The following EGF variants were observed in gnomAD, a reference collection of about 807,000 sequenced individuals.
EGF encodes epidermal growth factor.
In EGF, 95 loss-of-function variants were observed where a neutral mutation model predicts 143.8. The observed-to-expected ratio is 0.66, with a 90% CI of 0.56 to 0.78. EGF has a LOEUF of 0.78. Ranked by LOEUF, EGF falls within the 30% of genes least tolerant of loss-of-function variation. The pLI is 0.00. For missense variants in EGF, 1,320 were observed against 1,470.9 expected (o/e 0.90, Z 1.68); for synonymous variants, 510 against 510.5 (o/e 1.00, Z 0.01).
intron 2 of EGF, among the ~76,000 whole-genome samples, chr4:109,942,214 A>T (rs992783339): frequency 1.3e-5 from 2 of 152,340 alleles, no homozygotes; most frequent in Admixed American, 6.5e-5. Context: ...GTGAATTTAT[A>T]TCAAGCCATT....
chr4:109,970,705 G>A (rs541723535), intron 11 of EGF, among the ~76,000 whole-genome samples: 2 of 151,698 alleles, frequency 1.3e-5, no homozygotes, highest in South Asian at 2.1e-4. Context: ...GGCGCCTGTA[G>A]TCCCAGCTAC....
At chr4:110,002,112 A>G in intron 21 of EGF, 3 of 898,562 alleles carry the variant, frequency 3.3e-6, no homozygotes, top group Non-Finnish European at 4.0e-6. Flanking sequence ...AAAGGGTTAA[A>G]ATCAGTTATT....
At chr4:109,966,243 C>T (rs935668985) in intron 10 of EGF, among the ~76,000 whole-genome samples, 4 of 152,012 alleles carry the variant, frequency 2.6e-5, no homozygotes, top group Non-Finnish European at 5.9e-5. Context: ...TGTTATTCCA[C>T]TCTGTATGTC....
At chr4:109,975,644 C>T (rs2126102606) in intron 12 of EGF, among the ~76,000 whole-genome samples, 1 of 152,300 alleles carries the variant, frequency 6.6e-6, no homozygotes, top group African/African-American at 2.4e-5. Context: ...AACAGAAGAA[C>T]AGGCGAGCAA....
intron 11 of EGF, among the ~76,000 whole-genome samples, chr4:109,971,442 C>A (rs1368096684): frequency 6.6e-6 from 1 of 152,156 alleles, no homozygotes; most frequent in Non-Finnish European, 1.5e-5. Context: ...AGATGTCAAC[C>A]ACTCTCGGGT....
In EGF at chr4:109,940,991, G is replaced by A. The variant is rs773885185; in HGVS notation, c.173G>A (p.Arg58Lys). ...TTCTCCCATGGAAATAGTATCTTTA[G>A]GATTGACACAGAAGGAACCAATTAT... Reference protein sequence around the residue: ...LIFSHGNSIFRIDTEGTNYEQ... With the variant: ...LIFSHGNSIFKIDTEGTNYEQ... Residue 58 changes from arginine to lysine, a missense_variant, in exon 2 of 24, where the codon AGG becomes AAG. Physicochemically the swap from Arg to Lys is conservative, Grantham distance 26. Coordinates refer to ENST00000265171, the MANE Select transcript of EGF (RefSeq NM_001963.6). 1 of 1,614,036 alleles carries A rather than the reference G, an allele frequency of 6.2e-7. No homozygotes were observed. Among genetic ancestry groups the A allele is most frequent in the Non-Finnish European group, 8.5e-7 (1 of 1,179,960 alleles).
intron 9 of EGF, 110 bp downstream of exon 9, chr4:109,963,408 A>G (rs1746032934): frequency 1.4e-6 from 2 of 1,380,198 alleles, no homozygotes; most frequent in African/African-American, 2.9e-5. Flanking sequence ...TTTGAAATGG[A>G]AAAAAAGCAA....
chr4:110,005,458 A>C (rs916446811), intron 22 of EGF, among the ~76,000 whole-genome samples: 4 of 152,226 alleles, frequency 2.6e-5, no homozygotes, highest in African/African-American at 9.6e-5. Context: ...CAGATTTAAC[A>C]AATAAAAATA....
Position 110,011,328 on chromosome 4 carries a change from A to G in EGF, c.3497A>G (p.His1166Arg), listed in dbSNP as rs1399403846. The change falls in exon 24 of 24, where the codon CAT (histidine) becomes CGT (arginine). Residue 1166 changes from histidine (H) to arginine (R), a missense_variant. His to Arg is a conservative substitution (Grantham distance 29, BLOSUM62 0). Transcript: ENST00000265171. ...SCPQVMERSF[H>R]MPSYGTQTLE... ...CCCCAGGTAATGGAGCGAAGCTTTC[A>G]TATGCCCTCCTATGGGACACAGACC... 4 of 1,614,144 alleles carry G rather than the reference A, an allele frequency of 2.5e-6. No homozygotes were observed. The South Asian group carries it at 4.4e-5, about 18-fold the overall frequency.
chr4:109,999,577 C>A, intron 20 of EGF, 102 bp from the exon 21 acceptor site: 1 of 1,449,636 alleles, frequency 6.9e-7, no homozygotes, highest in Non-Finnish European at 9.7e-7. Flanking sequence ...AGAGCTGAGT[C>A]TGGAAATGCA....
Position 109,943,938 on chromosome 4 carries a change from A to T in EGF, c.606A>T (p.Ile202=). The T allele has an allele frequency of 6.2e-7, 1 of 1,614,194 alleles. No individual in the cohort carries two copies. Among genetic ancestry groups the T allele is most frequent in the Non-Finnish European group, 8.5e-7 (1 of 1,180,032 alleles). ...CTCTGTTGGAGACATCAGAGAAAATAACAGCTGTGTCATTGGATGTGCTTG... is the reference window on the plus strand; with the variant it reads ...CTCTGTTGGAGACATCAGAGAAAATTACAGCTGTGTCATTGGATGTGCTTG... ...VKALLETSEK[I]TAVSLDVLDK... is the part of the protein sequence containing the mutation. The change falls in exon 4 of 24, where the codon ATA becomes ATT. Residue 202 remains isoleucine, a synonymous_variant. Coordinates refer to ENST00000265171, the MANE Select transcript of EGF (RefSeq NM_001963.6).
intron 18 of EGF, among the ~76,000 whole-genome samples, chr4:109,993,013 G>A (rs1451694459): frequency 6.6e-6 from 1 of 151,436 alleles, no homozygotes; most frequent in South Asian, 2.1e-4. Flanking sequence ...GAGTTAATGG[G>A]TGCAGCACAC....
chr4:109,962,005 T>A lies in EGF; in HGVS notation c.1312+20T>A. 6.2e-7 allele frequency: 1 copy of A among 1,613,170 alleles called. No individual in the cohort carries two copies. Among genetic ancestry groups the A allele is most frequent in the Non-Finnish European group, 8.5e-7 (1 of 1,179,348 alleles). On this transcript the variant is annotated intron_variant, in intron 8 of 23. Coordinates refer to ENST00000265171, the MANE Select transcript of EGF (RefSeq NM_001963.6). ...GTAGCGGTGAGTTTATTTGCTTTAT[T>A]TACCTTTTGTTTGTTTGAAAACATA... is the stretch of plus-strand genomic sequence containing the variant.
intron 20 of EGF, among the ~76,000 whole-genome samples, chr4:109,996,979 G>A (rs1751880008): frequency 6.6e-6 from 1 of 151,998 alleles, no homozygotes. Context: ...CACGTTGAGA[G>A]ATGCATCATA....
At position 109,964,442 on chromosome 4, in the gene EGF, C is replaced by T. The variant is rs753726274; in HGVS notation, c.1480C>T (p.Arg494Ter). ...FLLFANSQDI[R>*]HMHFDGTDYG... is the part of the protein sequence containing the mutation. ...GCTGTTTGCCAATTCTCAAGATATT[C>T]GACACATGCATTTTGATGGAACAGA... Residue 494 changes from arginine to a stop codon, truncating the protein, a stop_gained, in exon 10 of 24, where the codon CGA (arginine) becomes TGA (stop). Coordinates refer to ENST00000265171, the MANE Select transcript of EGF (RefSeq NM_001963.6). LOFTEE classifies it high-confidence loss of function. 67 of 1,613,794 alleles carry T rather than the reference C, an allele frequency of 4.2e-5. No individual in the cohort carries two copies. Among genetic ancestry groups the T allele is most frequent in the Non-Finnish European group, 5.1e-5 (60 of 1,179,874 alleles).
chr4:109,963,025 A>G (rs1745957853), intron 8 of EGF, 148 bp from the exon 9 acceptor site: 1 of 918,954 alleles, frequency 1.1e-6, no homozygotes, highest in Non-Finnish European at 1.7e-6. Flanking sequence ...CGAGAGTGCC[A>G]TTGCACTCCA....
intron 19 of EGF, 44 bp downstream of exon 19, chr4:109,993,413 C>T (rs768391930): frequency 6.2e-6 from 10 of 1,610,518 alleles, no homozygotes; most frequent in East Asian, 2.2e-5. Context: ...GGACTTGGCT[C>T]GGGGATATTC....
At chr4:109,951,419 ATAAT>A (rs1743909212) in intron 5 of EGF, among the ~76,000 whole-genome samples, 1 of 152,096 alleles carries the variant, frequency 6.6e-6, no homozygotes, top group Admixed American at 6.6e-5. Flanking sequence ...TATCTCCTAA[ATAAT>A]ATAATAAGGA....
intron 10 of EGF, chr4:109,968,707 T>TCTACCTACCTAC (rs1553937989): frequency 4.1e-4 from 144 of 351,418 alleles, no homozygotes; most frequent in African/African-American, 2.1e-3. Flanking sequence ...TATCTATCTA[T>TCTACCTACCTAC]CTACCTACCT....
Sources: gnomAD v4.1 joint callset for allele counts (sites outside exome capture counted in the v4.1 genomes callset) on GRCh38, gnomAD v4.1.1 for gene constraint, MANE v1.5 for transcripts, NCBI Gene and HGNC (gene_info 2026-07-23, HGNC 2026-07-21) for gene names.